Variants in INTS4 observed in about 807,000 individuals in gnomAD.
INTS4 encodes MSTP093.
Under a neutral mutation model 119.5 loss-of-function variants are expected in INTS4, and 70 were observed. The observed-to-expected ratio is 0.59, with a 90% CI of 0.48 to 0.71. INTS4 has a LOEUF of 0.71. INTS4 is among the 30% of genes least tolerant of loss of function. The pLI, the probability that INTS4 is intolerant of heterozygous loss-of-function variation, is 0.00. For missense variants in INTS4, 867 were observed against 1,173.2 expected (o/e 0.74, Z 3.81); for synonymous variants, 316 against 419.6 (o/e 0.75, Z 3.02).
At chr11:77,932,462 T>C (rs1320408861) in intron 10 of INTS4, among the ~76,000 whole-genome samples, 1 of 152,188 alleles carries the variant, frequency 6.6e-6, no homozygotes, top group Non-Finnish European at 1.5e-5. Context: ...AAACAACAGA[T>C]GCTGGAGAAG....
chr11:77,877,749 A>AT (rs34288319), downstream of INTS4, among the ~76,000 whole-genome samples: 22,696 of 148,510 alleles, frequency 0.15, 1,882 homozygotes, highest in Admixed American at 0.21. Flanking sequence ...CACACTTGCA[A>AT]TTTTTTTTTT....
intron 11 of INTS4, among the ~76,000 whole-genome samples, chr11:77,925,548 G>A (rs1490812435): frequency 6.6e-6 from 1 of 152,192 alleles, no homozygotes. Flanking sequence ...ATGGAGGAGT[G>A]AGGGAAAAAG....
rs1193993830 is a variant in INTS4 at position 77,919,847 on chromosome 11, C to T, written c.1765-869G>A. Among the ~76,000 whole-genome samples the T allele has an allele frequency of 4.6e-5, 7 of 152,216 alleles. No individual in the cohort carries two copies. The South Asian group carries it at 6.2e-4, about 14-fold the overall frequency. Reference sequence around the variant, plus strand: ...TTTTTGAGATGGAGTCTCGCTCTGTCGCCCAGGCGGGAGTGCAGTGGCGCA... The same window carrying T: ...TTTTTGAGATGGAGTCTCGCTCTGTTGCCCAGGCGGGAGTGCAGTGGCGCA... On this transcript the variant is annotated intron_variant, in intron 14 of 22. Coordinates refer to ENST00000534064, the MANE Select transcript of INTS4 (RefSeq NM_033547.4).
intron 2 of INTS4, among the ~76,000 whole-genome samples, chr11:77,989,144 T>C (rs1856565793): frequency 6.6e-6 from 1 of 152,190 alleles, no homozygotes; most frequent in Non-Finnish European, 1.5e-5. Context: ...CCCTTTTTAA[T>C]AGATATGTAA....
At chr11:77,993,576 T>C (rs1856783276) in intron 1 of INTS4, among the ~76,000 whole-genome samples, 1 of 152,232 alleles carries the variant, frequency 6.6e-6, no homozygotes, top group Admixed American at 6.5e-5. Context: ...ATGTTCTTAA[T>C]GCCACTGAAC....
At chr11:77,923,014 T>C (rs1177935630) in intron 12 of INTS4, among the ~76,000 whole-genome samples, 2 of 152,114 alleles carry the variant, frequency 1.3e-5, no homozygotes, top group Non-Finnish European at 2.9e-5. Context: ...GAGGCAGCCA[T>C]CTTACAACTA....
chr11:77,916,511 C>T (rs1404550192), intron 15 of INTS4, among the ~76,000 whole-genome samples: 5 of 152,266 alleles, frequency 3.3e-5, no homozygotes, highest in Middle Eastern at 6.8e-3. Flanking sequence ...ACCACCACAA[C>T]GTTGTTATTC....
intron 8 of INTS4, among the ~76,000 whole-genome samples, chr11:77,952,313 C>G (rs1394770558): frequency 1.3e-5 from 2 of 152,144 alleles, no homozygotes; most frequent in East Asian, 3.8e-4. Context: ...GTTTGAAGTC[C>G]TCATCTGTCA....
At chr11:77,887,554 G>A (rs1182156681) in intron 21 of INTS4, among the ~76,000 whole-genome samples, 4 of 152,156 alleles carry the variant, frequency 2.6e-5, no homozygotes, top group Non-Finnish European at 5.9e-5. Flanking sequence ...TCAACATAGT[G>A]TTGGAAGTGC....
At chr11:77,934,100 C>T (rs372256634) in intron 10 of INTS4, among the ~76,000 whole-genome samples, 13 of 151,968 alleles carry the variant, frequency 8.6e-5, no homozygotes, top group South Asian at 8.3e-4. Context: ...CCCCCAACCC[C>T]GTGCTCTCTG....
rs188359250 is a variant in INTS4 at position 77,927,407 on chromosome 11, T to A, written c.1371+935A>T. ...TATTCTTTAAAGTACGCAGTAGAAA[T>A]CTGTTACAAGTGTTCTAAAAACTAA... is the stretch of plus-strand genomic sequence containing the variant. On this transcript the variant is annotated intron_variant, in intron 11 of 22. Transcript: ENST00000534064. 1.5e-3 allele frequency among the ~76,000 whole-genome samples: 229 copies of A among 152,256 alleles called. 1 individual carries two copies. Among genetic ancestry groups the A allele is most frequent in the African/African-American group, 5.3e-3 (222 of 41,546 alleles).
rs544348261 is a variant in INTS4 at position 77,888,922 on chromosome 11, T to A, written c.2592+2397A>T. On this transcript the variant is annotated intron_variant, in intron 21 of 22. Coordinates refer to ENST00000534064, the MANE Select transcript of INTS4 (RefSeq NM_033547.4). ...ATGGCTATCATTAAAAAGTCAGGAA[T>A]CAACACGTGCTGGAGAGGATGTGGA... Among the ~76,000 whole-genome samples, 685 of 152,170 alleles carry A rather than the reference T, an allele frequency of 4.5e-3. 2 individuals carry two copies. Among genetic ancestry groups the A allele is most frequent in the Non-Finnish European group, 7.7e-3 (524 of 68,016 alleles).
At chr11:77,992,767 A>T (rs1159708569) in intron 1 of INTS4, among the ~76,000 whole-genome samples, 1 of 152,240 alleles carries the variant, frequency 6.6e-6, no homozygotes, top group Non-Finnish European at 1.5e-5. Context: ...ATAGGAGGGC[A>T]TACCAATACT....
At chr11:77,959,370 C>T (rs1041344290) in intron 6 of INTS4, among the ~76,000 whole-genome samples, 6 of 152,168 alleles carry the variant, frequency 3.9e-5, no homozygotes, top group Non-Finnish European at 7.3e-5. Flanking sequence ...GATGTCCCAT[C>T]AAACTTTTAT....
rs985661769 is a variant in INTS4 at position 77,878,929 on chromosome 11, T to C, written c.*20A>G. ...CTAAGAAGGGCCCTCTAGGCCACGGTTGGGAAGACTGTTTTTGCCTTAGCG... is the reference window on the plus strand; with the variant it reads ...CTAAGAAGGGCCCTCTAGGCCACGGCTGGGAAGACTGTTTTTGCCTTAGCG... On this transcript the variant is annotated 3_prime_UTR_variant, in exon 23 of 23. Coordinates refer to ENST00000534064, the MANE Select transcript of INTS4 (RefSeq NM_033547.4). 20 of 1,605,820 alleles carry C rather than the reference T, an allele frequency of 1.2e-5. No homozygotes were observed. The highest frequency in any genetic ancestry group is 1.7e-5 in the Non-Finnish European group (20 of 1,172,844).
intron 4 of INTS4, chr11:77,963,365 AAAAAAAAAAC>A (rs1332977088): frequency 2.5e-6 from 1 of 393,304 alleles, no homozygotes; most frequent in Non-Finnish European, 4.8e-6. Flanking sequence ...AAAAAAAAAA[AAAAAAAAAAC>A]AAAAAAAACT....
chr11:77,943,755 C>T (rs933985576), intron 8 of INTS4, among the ~76,000 whole-genome samples: 1 of 152,072 alleles, frequency 6.6e-6, no homozygotes, highest in Non-Finnish European at 1.5e-5. Flanking sequence ...CACTTGAGAG[C>T]CTTATTAAAT....
intron 4 of INTS4, among the ~76,000 whole-genome samples, chr11:77,969,868 A>T (rs1488871452): frequency 6.6e-6 from 1 of 151,910 alleles, no homozygotes; most frequent in East Asian, 1.9e-4. Flanking sequence ...GTCTCTATAG[A>T]CTTAACCTAT....
chr11:77,910,416 GGGAAC>G (rs1259742801), intron 15 of INTS4, among the ~76,000 whole-genome samples: 6 of 148,510 alleles, frequency 4.0e-5, no homozygotes. Flanking sequence ...ACACAGGAAG[GGGAAC>G]ATCACACCCC....
Sources: allele counts gnomAD v4.1 joint callset (sites outside exome capture counted in the v4.1 genomes callset), GRCh38; gene constraint gnomAD v4.1.1; transcripts MANE v1.5; gene names NCBI Gene and HGNC (gene_info 2026-07-23, HGNC 2026-07-21).